CENPP: variants seen among roughly 807,000 people sequenced by gnomAD.
CENPP encodes centromere protein P.
In CENPP, 24 loss-of-function variants were observed where a neutral mutation model predicts 35.6. The ratio of observed to expected loss-of-function variants is 0.67; its 90% CI spans 0.49 to 0.95. CENPP has a LOEUF of 0.95. Among genes scored for constraint, CENPP ranks in the 40% least tolerant of loss-of-function variants. CENPP has a pLI of 0.00. For synonymous variants in CENPP, 120 were observed against 125.5 expected (o/e 0.96, Z 0.29); for missense variants, 332 against 345.3 (o/e 0.96, Z 0.31).
intron 5 of CENPP, among the ~76,000 whole-genome samples, chr9:92,601,937 C>T (rs1850930982): frequency 6.6e-6 from 1 of 152,230 alleles, no homozygotes; most frequent in Non-Finnish European, 1.5e-5. Flanking sequence ...CTAGCTCTTT[C>T]CACTGACAGG....
intron 4 of CENPP, among the ~76,000 whole-genome samples, chr9:92,370,583 C>T (rs998443175): frequency 6.6e-6 from 1 of 152,050 alleles, no homozygotes; most frequent in African/African-American, 2.4e-5. Flanking sequence ...CGGGTTCAAG[C>T]GATTCTCCTG....
chr9:92,509,650 A>G (rs1207272793), intron 5 of CENPP, among the ~76,000 whole-genome samples: 1 of 152,228 alleles, frequency 6.6e-6, no homozygotes, highest in Non-Finnish European at 1.5e-5. Flanking sequence ...TGCCTTGTGA[A>G]TAATAAGAAC....
chr9:92,383,414 C>T (rs1368843770), intron 5 of CENPP, among the ~76,000 whole-genome samples: 1 of 152,136 alleles, frequency 6.6e-6, no homozygotes, highest in African/African-American at 2.4e-5. Context: ...AACATTAAAT[C>T]TTACCATCCA....
intron 4 of CENPP, among the ~76,000 whole-genome samples, chr9:92,377,362 A>G (rs1456022006): frequency 2.0e-5 from 3 of 152,184 alleles, no homozygotes; most frequent in African/African-American, 7.2e-5. Context: ...TTCCTTGGGA[A>G]TGAGGTCTCT....
At chr9:92,580,600 GCAGTATTCT>G (rs1194356886) in intron 5 of CENPP, among the ~76,000 whole-genome samples, 6 of 152,186 alleles carry the variant, frequency 3.9e-5, no homozygotes, top group African/African-American at 1.4e-4. Context: ...AGAGGTGTTT[GCAGTATTCT>G]CTGATGGTAG....
intron 5 of CENPP, among the ~76,000 whole-genome samples, chr9:92,444,702 A>T (rs1398414610): frequency 2.0e-5 from 3 of 152,120 alleles, no homozygotes; most frequent in African/African-American, 4.8e-5. Flanking sequence ...TTCACTATTA[A>T]AGTAATGTTG....
chr9:92,521,724 T>C (rs1423311696), intron 5 of CENPP, among the ~76,000 whole-genome samples: 2 of 152,194 alleles, frequency 1.3e-5, no homozygotes, highest in Non-Finnish European at 2.9e-5. Context: ...CTTTAAAAAG[T>C]CAGTGGTTTA....
chr9:92,414,008 T>G (rs1227517851), intron 5 of CENPP, among the ~76,000 whole-genome samples: 1 of 152,212 alleles, frequency 6.6e-6, no homozygotes, highest in Non-Finnish European at 1.5e-5. Context: ...AGCCCTAGAT[T>G]GGTATTTGTC....
At chr9:92,460,347 TC>T (rs1449834029) in intron 5 of CENPP, 1 of 592,752 alleles carries the variant, frequency 1.7e-6, no homozygotes, top group Non-Finnish European at 2.9e-6. Context: ...TGTGGTTCTT[TC>T]TAGTTTTCCC....
At position 92,522,107 on chromosome 9, in the gene CENPP, G is replaced by T. The variant is rs147212845; in HGVS notation, c.565-89207G>T. ...TGTTTTGTTTTGTTTTTAATCTCGA[G>T]ACGGAGTCTTGCTCTGTCGCCCAGG... is the stretch of plus-strand genomic sequence containing the variant. On this transcript the variant is annotated intron_variant, in intron 5 of 7. Transcript: ENST00000375587. Among the ~76,000 whole-genome samples, 1,127 of 152,132 alleles carry T rather than the reference G, an allele frequency of 7.4e-3. 15 individuals carry two copies. Among genetic ancestry groups the T allele is most frequent in the African/African-American group, 0.025 (1,044 of 41,476 alleles).
intron 5 of CENPP, among the ~76,000 whole-genome samples, chr9:92,448,398 T>C (rs917477063): frequency 5.3e-5 from 8 of 152,044 alleles, no homozygotes; most frequent in Non-Finnish European, 2.9e-5. Flanking sequence ...GCCTCCCAAG[T>C]AGCTGGGATT....
chr9:92,570,472 C>T (rs534293020), intron 5 of CENPP, among the ~76,000 whole-genome samples: 19 of 152,232 alleles, frequency 1.2e-4, no homozygotes, highest in South Asian at 1.0e-3. Context: ...CTGCTGGATA[C>T]GGTTTGCCAG....
intron 4 of CENPP, among the ~76,000 whole-genome samples, 198 bp downstream of exon 4, chr9:92,345,985 C>G (rs1841284573): frequency 6.6e-6 from 1 of 152,080 alleles, no homozygotes; most frequent in African/African-American, 2.4e-5. Context: ...TGCACATTCA[C>G]TATGTGCTGG....
chr9:92,541,427 G>GCCCACACC (rs1849317532), intron 5 of CENPP, among the ~76,000 whole-genome samples: 1 of 16,956 alleles, frequency 5.9e-5, no homozygotes, highest in Admixed American at 5.1e-4. Context: ...TCCCCACCCC[G>GCCCACACC]CCCACACCCC....
intron 4 of CENPP, among the ~76,000 whole-genome samples, chr9:92,373,951 C>T (rs981133600): frequency 6.6e-6 from 1 of 151,638 alleles, no homozygotes; most frequent in Non-Finnish European, 1.5e-5. Context: ...TTTCATGTAC[C>T]TGTTCCCTTA....
chr9:92,425,891 A>T lies in CENPP; in HGVS notation c.564+46032A>T, dbSNP rs538572265. ...AGCAAATCTGTGTACTTTTTCAAAA[A>T]ATTGTTTTATAGGCCTTCACAGTCC... On this transcript the variant is annotated intron_variant, in intron 5 of 7. Coordinates refer to ENST00000375587, the MANE Select transcript of CENPP (RefSeq NM_001012267.3). 3.9e-5 allele frequency among the ~76,000 whole-genome samples: 6 copies of T among 152,316 alleles called. No homozygotes were observed. In the South Asian group the frequency reaches 1.2e-3, roughly 32 times the overall value.
At chr9:92,584,174 A>G (rs541111842) in intron 5 of CENPP, among the ~76,000 whole-genome samples, 5 of 152,304 alleles carry the variant, frequency 3.3e-5, no homozygotes, top group African/African-American at 1.2e-4. Context: ...TCCCATCTGC[A>G]GCAATACAAA....
chr9:92,447,055 T>A (rs1326430843), intron 5 of CENPP, among the ~76,000 whole-genome samples: 1 of 152,094 alleles, frequency 6.6e-6, no homozygotes, highest in African/African-American at 2.4e-5. Flanking sequence ...GCTTGCATGA[T>A]TCAGCTTCGA....
intron 5 of CENPP, among the ~76,000 whole-genome samples, chr9:92,538,749 A>C (rs761405391): frequency 3.9e-5 from 6 of 152,170 alleles, no homozygotes; most frequent in Non-Finnish European, 5.9e-5. Flanking sequence ...TTATGTCCCA[A>C]AACTTGGTTC....
Sources: gnomAD v4.1 joint callset for allele counts (sites outside exome capture counted in the v4.1 genomes callset) on GRCh38, gnomAD v4.1.1 for gene constraint, MANE v1.5 for transcripts, NCBI Gene and HGNC (gene_info 2026-07-23, HGNC 2026-07-21) for gene names.